Variants in MYCBP2 observed in about 807,000 individuals in gnomAD.
MYCBP2 encodes MYC binding protein 2, also known as E3 ubiquitin-protein ligase MYCBP2.
A neutral mutation model predicts 525.3 loss-of-function variants in MYCBP2; 120 were observed. That is an observed-to-expected ratio of 0.23 (90% CI 0.20 to 0.27). The LOEUF (loss-of-function observed/expected upper bound fraction) is 0.27. MYCBP2 is among the 10% of genes least tolerant of loss of function. MYCBP2 has a pLI of 1.00. For synonymous variants in MYCBP2, 1,894 were observed against 1,955.8 expected, an observed-to-expected ratio of 0.97 and a Z score of 0.83; for missense variants, 4,149 against 5,657.1, an observed-to-expected ratio of 0.73 and a Z score of 8.55.
chr13:77,157,917 G>A lies in MYCBP2; in HGVS notation c.6770+20C>T, dbSNP rs2057410202. ...AGATGAAAGCCCTAAAATAAAGTAAGTAACTTAAAGTACATTTACCTTGCA... is the reference window on the plus strand; with the variant it reads ...AGATGAAAGCCCTAAAATAAAGTAAATAACTTAAAGTACATTTACCTTGCA... On this transcript the variant is annotated intron_variant, in intron 45 of 82. Transcript: ENST00000544440. 1.9e-6 allele frequency: 3 copies of A among 1,580,316 alleles called. No homozygotes were observed. Among genetic ancestry groups the A allele is most frequent in the Non-Finnish European group, 2.6e-6 (3 of 1,163,804 alleles).
intron 50 of MYCBP2, among the ~76,000 whole-genome samples, chr13:77,140,561 A>C (rs759465676): frequency 6.6e-6 from 1 of 152,188 alleles, no homozygotes; most frequent in Non-Finnish European, 1.5e-5. Context: ...TTCTTTTGAC[A>C]GTAGAGGACA....
At position 77,189,308 on chromosome 13, in the gene MYCBP2, TATATAAC is replaced by T. The variant is rs1423219812; in HGVS notation, c.4155-268_4155-262del. 2.0e-5 allele frequency among the ~76,000 whole-genome samples: 3 copies of T among 152,132 alleles called. No individual in the cohort carries two copies. The South Asian group carries it at 6.2e-4, about 31-fold the overall frequency. On this transcript the variant is annotated intron_variant, in intron 29 of 82. Coordinates refer to ENST00000544440, the MANE Select transcript of MYCBP2 (RefSeq NM_015057.5). ...CTCTTCTTAGAGAACATATATAATG[TATATAAC>T]ATATAACTTATATTCTCTAGTAATG...
At chr13:77,096,702 C>G (rs901317385) in intron 56 of MYCBP2, among the ~76,000 whole-genome samples, 5 of 151,942 alleles carry the variant, frequency 3.3e-5, no homozygotes, top group African/African-American at 1.2e-4. Flanking sequence ...TACTTAGTTT[C>G]TAATCAGGCA....
chr13:77,319,082 T>C (rs2081292253), intron 1 of MYCBP2, among the ~76,000 whole-genome samples: 2 of 152,196 alleles, frequency 1.3e-5, no homozygotes, highest in Admixed American at 1.3e-4. Flanking sequence ...TGGTGGTGCT[T>C]TGGGGTGCCT....
rs1358571778 is a variant in MYCBP2 at position 77,096,344 on chromosome 13, G to C, written c.9922C>G (p.Leu3308Val). 2 of 1,613,116 alleles carry C rather than the reference G, an allele frequency of 1.2e-6. No individual in the cohort carries two copies. Among genetic ancestry groups the C allele is most frequent in the Admixed American group, 1.7e-5 (1 of 59,962 alleles). The change falls in exon 57 of 83, where the codon CTC becomes GTC. Residue 3308 changes from leucine (L) to valine (V), a missense_variant. Leu to Val is a conservative substitution (Grantham distance 32, BLOSUM62 1). Coordinates refer to ENST00000544440, the MANE Select transcript of MYCBP2 (RefSeq NM_015057.5). ...LVCDRCREKY[L>V]REKQAAAREK... ...CTTGCAGCAGCCTGTTTTTCGCGGAGGTATTTTTCTCTACAGCGATCACAT... is the reference window on the plus strand; with the variant it reads ...CTTGCAGCAGCCTGTTTTTCGCGGACGTATTTTTCTCTACAGCGATCACAT...
intron 20 of MYCBP2, among the ~76,000 whole-genome samples, chr13:77,223,101 T>C (rs1301630186): frequency 6.6e-6 from 1 of 152,136 alleles, no homozygotes; most frequent in Non-Finnish European, 1.5e-5. Context: ...ACCACTCAGA[T>C]CTCCTTCAAG....
In MYCBP2 at chr13:77,161,997, T is replaced by G. The variant is rs76168093; in HGVS notation, c.6548-42A>C. On this transcript the variant is annotated intron_variant, in intron 43 of 82. Coordinates refer to ENST00000544440, the MANE Select transcript of MYCBP2 (RefSeq NM_015057.5). ...GAGTTTTACTAAAATATGTCAATAT[T>G]TAGTTTAGTTTAATTTTCTAGTCCT... The G allele has an allele frequency of 3.8e-4, 516 of 1,345,344 alleles. 4 individuals are homozygous for G. In the African/African-American group the frequency reaches 6.8e-3, roughly 18 times the overall value. The allele number at this position is 1,345,344 out of a possible 1,614,324, so 83.3% of individuals were successfully genotyped here. A position where few individuals can be genotyped will look rare whatever the true frequency, so the allele number is the denominator to read the frequency against.
intron 17 of MYCBP2, among the ~76,000 whole-genome samples, chr13:77,239,733 T>C (rs925557632): frequency 6.6e-6 from 1 of 152,226 alleles, no homozygotes; most frequent in African/African-American, 2.4e-5. Context: ...GCCCAAGTGA[T>C]GCTGGTCCCT....
chr13:77,048,833 C>T (rs1391533149), intron 82 of MYCBP2, among the ~76,000 whole-genome samples: 1 of 152,146 alleles, frequency 6.6e-6, no homozygotes, highest in East Asian at 1.9e-4. Flanking sequence ...ACCCTCCTCT[C>T]TCAGCTACTA....
At chr13:77,253,976 T>C (rs2071687457) in intron 14 of MYCBP2, among the ~76,000 whole-genome samples, 1 of 151,840 alleles carries the variant, frequency 6.6e-6, no homozygotes, top group South Asian at 2.1e-4. Flanking sequence ...CAATGAAAAA[T>C]TGGAAATAAG....
At chr13:77,088,157 TA>T (rs928849408) in intron 61 of MYCBP2, among the ~76,000 whole-genome samples, 12 of 151,680 alleles carry the variant, frequency 7.9e-5, no homozygotes, top group Admixed American at 5.9e-4. Flanking sequence ...GGTTTTAATT[TA>T]AAAAAAACAG....
chr13:77,253,287 T>C (rs2071541525), intron 14 of MYCBP2, among the ~76,000 whole-genome samples: 1 of 151,806 alleles, frequency 6.6e-6, no homozygotes, highest in African/African-American at 2.4e-5. Flanking sequence ...CCAAAAGCCA[T>C]GAATAAACAC....
At chr13:77,105,913 A>G (rs986775031) in intron 55 of MYCBP2, among the ~76,000 whole-genome samples, 1 of 152,198 alleles carries the variant, frequency 6.6e-6, no homozygotes, top group African/African-American at 2.4e-5. Flanking sequence ...CCCAAGTATT[A>G]AATTCCCTGA....
chr13:77,085,376 A>G (rs1279293488), intron 62 of MYCBP2, among the ~76,000 whole-genome samples: 2 of 152,140 alleles, frequency 1.3e-5, no homozygotes, highest in Non-Finnish European at 2.9e-5. Flanking sequence ...ATTTCCATAG[A>G]CATTTGTGTG....
intron 49 of MYCBP2, chr13:77,144,219 G>A (rs2055154510): frequency 2.0e-6 from 1 of 505,518 alleles, no homozygotes. Flanking sequence ...GGAAATGGAG[G>A]GAGAGAGTCA....
chr13:77,251,418 C>T lies in MYCBP2; in HGVS notation c.2177-63G>A, dbSNP rs188182919. On this transcript the variant is annotated intron_variant, in intron 14 of 82. Coordinates refer to ENST00000544440, the MANE Select transcript of MYCBP2 (RefSeq NM_015057.5). ...ACTTTCATGTATAAAAGATGGATGA[C>T]TATATTTCCCAGTTTAAAAAATGAC... The T allele has an allele frequency of 7.9e-5, 107 of 1,350,922 alleles. No individual in the cohort carries two copies. The Admixed American group carries it at 8.1e-4, about 10-fold the overall frequency. 83.7% of individuals were successfully genotyped at this position (1,350,922 alleles called of 1,614,324 possible). A position where few individuals can be genotyped will look rare whatever the true frequency, so the allele number is the denominator to read the frequency against.
At chr13:77,264,646 T>G (rs2073821532) in intron 8 of MYCBP2, among the ~76,000 whole-genome samples, 1 of 152,136 alleles carries the variant, frequency 6.6e-6, no homozygotes, top group African/African-American at 2.4e-5. Flanking sequence ...GAATACCATA[T>G]TTCATCAATA....
chr13:77,237,888 A>C (rs1333721215), intron 17 of MYCBP2, among the ~76,000 whole-genome samples: 1 of 152,164 alleles, frequency 6.6e-6, no homozygotes, highest in South Asian at 2.1e-4. Flanking sequence ...CTGGAATATC[A>C]GCTAATATTG....
intron 8 of MYCBP2, among the ~76,000 whole-genome samples, chr13:77,265,316 A>G (rs1489555340): frequency 2.0e-5 from 3 of 152,148 alleles, no homozygotes; most frequent in Admixed American, 2.0e-4. Flanking sequence ...TAAACTAAAA[A>G]GCAAAGAAGA....
Sources: allele counts gnomAD v4.1 joint callset (sites outside exome capture counted in the v4.1 genomes callset), GRCh38; gene constraint gnomAD v4.1.1; transcripts MANE v1.5; gene names NCBI Gene and HGNC (gene_info 2026-07-23, HGNC 2026-07-21).